The following OCA2 variants were observed in gnomAD, a reference collection of about 807,000 sequenced individuals.
The protein encoded by OCA2 is P protein.
A neutral mutation model predicts 100.2 loss-of-function variants in OCA2; 77 were observed. The ratio of observed to expected loss-of-function variants is 0.77; its 90% CI spans 0.64 to 0.93. The LOEUF (loss-of-function observed/expected upper bound fraction) is 0.93. Among genes scored for constraint, OCA2 ranks in the 40% least tolerant of loss-of-function variants. OCA2 has a pLI of 0.00. For missense variants in OCA2, 1,062 were observed against 1,089.1 expected, an observed-to-expected ratio of 0.98 and a Z score of 0.35; for synonymous variants, 432 against 439.2, an observed-to-expected ratio of 0.98 and a Z score of 0.21.
At position 28,068,140 on chromosome 15, in the gene OCA2, T is replaced by C. The variant is rs138382042; in HGVS notation, c.227+13508A>G. Among the ~76,000 whole-genome samples the C allele has an allele frequency of 4.0e-3, 616 of 152,336 alleles. 2 individuals carry two copies. The highest frequency in any genetic ancestry group is 7.0e-3 in the Non-Finnish European group (475 of 68,026). Reference sequence around the variant, plus strand: ...AAGACTGTTTTATCTGATGTAGGAATAGAGTCTCCTGCTCTTTTTTAATTT... The same window carrying C: ...AAGACTGTTTTATCTGATGTAGGAACAGAGTCTCCTGCTCTTTTTTAATTT... On this transcript the variant is annotated intron_variant, in intron 2 of 23. Coordinates refer to ENST00000354638, the MANE Select transcript of OCA2 (RefSeq NM_000275.3).
At chr15:27,886,789 G>T (rs1197621405) in intron 19 of OCA2, among the ~76,000 whole-genome samples, 4 of 152,112 alleles carry the variant, frequency 2.6e-5, no homozygotes, top group Admixed American at 2.6e-4. Context: ...CAAACTCCCT[G>T]CTTACTCCTG....
intron 23 of OCA2, chr15:27,776,892 T>C (rs1378318535): frequency 6.6e-6 from 1 of 151,920 alleles, no homozygotes; most frequent in Non-Finnish European, 1.5e-5. Context: ...TGAGGGCAGC[T>C]TTCTCAAAGC....
At chr15:27,720,909 C>A in the OCA2 span, among the ~76,000 whole-genome samples, 325 of 152,194 alleles carry the variant, frequency 2.1e-3, 1 homozygote, top group Non-Finnish European at 3.6e-3. Context: ...AAGGAGCATG[C>A]GAATCCTGAG....
the OCA2 span, among the ~76,000 whole-genome samples, chr15:27,741,731 A>G: frequency 6.6e-6 from 1 of 152,158 alleles, no homozygotes; most frequent in South Asian, 2.1e-4. Context: ...GGGGAACAAA[A>G]AGATAAGGGA....
chr15:27,824,478 A>G (rs1001808740), intron 23 of OCA2, among the ~76,000 whole-genome samples: 1 of 151,614 alleles, frequency 6.6e-6, no homozygotes, highest in African/African-American at 2.4e-5. Context: ...AAGTAAAAGG[A>G]GATCTGCTGA....
chr15:27,982,688 C>T (rs914616423), intron 14 of OCA2, among the ~76,000 whole-genome samples: 1 of 152,146 alleles, frequency 6.6e-6, no homozygotes, highest in African/African-American at 2.4e-5. Context: ...ACAAACACAT[C>T]ATCTACAAGA....
At chr15:28,087,740 C>T (rs1444368214) in intron 1 of OCA2, among the ~76,000 whole-genome samples, 1 of 152,090 alleles carries the variant, frequency 6.6e-6, no homozygotes. Context: ...GAGTGAGACC[C>T]TATCTCAAAA....
chr15:27,991,040 C>T (rs2041540525), intron 9 of OCA2, among the ~76,000 whole-genome samples: 1 of 152,212 alleles, frequency 6.6e-6, no homozygotes, highest in South Asian at 2.1e-4. Context: ...ACCAAAGGTA[C>T]ACAGTCCAAC....
chr15:28,001,640 G>C (rs2041928819), intron 9 of OCA2, among the ~76,000 whole-genome samples: 1 of 152,194 alleles, frequency 6.6e-6, no homozygotes, highest in Non-Finnish European at 1.5e-5. Flanking sequence ...AGGAGGAAGG[G>C]TGCAGGAAAA....
chr15:27,732,883 C>A, the OCA2 span, among the ~76,000 whole-genome samples: 6 of 152,216 alleles, frequency 3.9e-5, no homozygotes, highest in African/African-American at 1.4e-4. Context: ...TTTTGCCCAA[C>A]AGGAAGAACT....
intron 18 of OCA2, among the ~76,000 whole-genome samples, chr15:27,932,167 A>G (rs549928590): frequency 2.6e-4 from 40 of 152,346 alleles, no homozygotes; most frequent in Non-Finnish European, 2.2e-4. Context: ...AAGGTTCCAC[A>G]AAGGAGGTGA....
intron 2 of OCA2, among the ~76,000 whole-genome samples, chr15:28,036,335 G>T (rs1242050311): frequency 6.6e-6 from 1 of 152,100 alleles, no homozygotes; most frequent in African/African-American, 2.4e-5. Context: ...GAAGTTTCTT[G>T]GTGCCCATGG....
At chr15:28,054,451 G>A (rs1479800093) in intron 2 of OCA2, among the ~76,000 whole-genome samples, 1 of 152,170 alleles carries the variant, frequency 6.6e-6, no homozygotes, top group Non-Finnish European at 1.5e-5. Context: ...ACCTCAACGT[G>A]TTTTCTGATC....
At chr15:28,027,673 G>A (rs2042794506) in intron 4 of OCA2, among the ~76,000 whole-genome samples, 198 bp downstream of exon 4, 1 of 152,228 alleles carries the variant, frequency 6.6e-6, no homozygotes. Context: ...CTCCGGCGCT[G>A]CATGATTTGC....
At chr15:27,972,521 G>T (rs1358089631) in intron 14 of OCA2, among the ~76,000 whole-genome samples, 1 of 152,078 alleles carries the variant, frequency 6.6e-6, no homozygotes, top group Non-Finnish European at 1.5e-5. Context: ...ATTGTTTTTT[G>T]ACTTTTTAAT....
chr15:27,945,624 G>C (rs1202411358), intron 18 of OCA2, among the ~76,000 whole-genome samples: 2 of 152,128 alleles, frequency 1.3e-5, no homozygotes, highest in Non-Finnish European at 2.9e-5. Context: ...CCAATAGATT[G>C]CTTTATTTGT....
At chr15:28,041,706 T>G (rs577480685) in intron 2 of OCA2, among the ~76,000 whole-genome samples, 26 of 152,142 alleles carry the variant, frequency 1.7e-4, no homozygotes, top group Admixed American at 6.6e-5. Context: ...CAATGGTATA[T>G]TCACACAATG....
At position 28,027,956 on chromosome 15, in the gene OCA2, C is replaced by A; in HGVS notation, c.430G>T (p.Val144Leu). The change falls in exon 4 of 24, where the codon GTG (valine) becomes TTG (leucine). Residue 144 changes from valine to leucine, a missense_variant. Coordinates refer to ENST00000354638, the MANE Select transcript of OCA2 (RefSeq NM_000275.3). ...GAGGCAGATGCAGACAGACCAGACA[C>A]CTCCCTGCTTAGCAGGTATCTTCGC... ...WERRYLLSREVSGLSASASSE... is the reference protein window; with the variant it reads ...WERRYLLSRELSGLSASASSE... 1 of 1,614,204 alleles carries A rather than the reference C, an allele frequency of 6.2e-7. No individual in the cohort carries two copies. The highest frequency in any genetic ancestry group is 8.5e-7 in the Non-Finnish European group (1 of 1,180,034).
intron 2 of OCA2, among the ~76,000 whole-genome samples, chr15:28,066,072 C>A (rs753037696): frequency 2.6e-5 from 4 of 152,106 alleles, no homozygotes; most frequent in African/African-American, 9.7e-5. Context: ...AGCAAGTTTG[C>A]AGAACACAAG....
Sources: allele counts gnomAD v4.1 joint callset (sites outside exome capture counted in the v4.1 genomes callset), GRCh38; gene constraint gnomAD v4.1.1; transcripts MANE v1.5; gene names NCBI Gene and HGNC (gene_info 2026-07-23, HGNC 2026-07-21).